FBXL13: variants seen among roughly 807,000 people sequenced by gnomAD.
FBXL13 encodes F-box and leucine-rich repeat protein 13.
A neutral mutation model predicts 83.6 loss-of-function variants in FBXL13; 67 were observed. The observed-to-expected ratio is 0.80, with a 90% CI of 0.66 to 0.98. The LOEUF is 0.98. Among genes scored for constraint, FBXL13 ranks in the 50% least tolerant of loss-of-function variants. The probability of loss-of-function intolerance (pLI) is 0.00; values close to 1 mark genes in which losing one functional copy is unlikely to be tolerated. For synonymous variants in FBXL13, 272 were observed against 299.5 expected (o/e 0.91, Z 0.95); for missense variants, 822 against 866.5 (o/e 0.95, Z 0.64).
chr7:102,906,573 T>C (rs145258631), intron 11 of FBXL13, among the ~76,000 whole-genome samples: 12 of 152,286 alleles, frequency 7.9e-5, no homozygotes, highest in African/African-American at 2.9e-4. Flanking sequence ...TCTAGGAAAG[T>C]ATTTATTTCT....
At chr7:103,044,858 CTAT>C (rs1796110802) in intron 2 of FBXL13, among the ~76,000 whole-genome samples, 1 of 152,180 alleles carries the variant, frequency 6.6e-6, no homozygotes, top group Non-Finnish European at 1.5e-5. Flanking sequence ...TTTCCTTCTA[CTAT>C]TATGAGAGCA....
At chr7:102,894,637 G>A (rs1812027503) in intron 11 of FBXL13, among the ~76,000 whole-genome samples, 1 of 151,732 alleles carries the variant, frequency 6.6e-6, no homozygotes, top group Non-Finnish European at 1.5e-5. Context: ...CTTGAGGCAG[G>A]AGGATCCCTT....
At chr7:103,017,484 T>C (rs1792500642) in intron 6 of FBXL13, among the ~76,000 whole-genome samples, 1 of 152,190 alleles carries the variant, frequency 6.6e-6, no homozygotes, top group Non-Finnish European at 1.5e-5. Context: ...AGAATGACTT[T>C]GACAAGTTGA....
intron 6 of FBXL13, among the ~76,000 whole-genome samples, chr7:102,974,619 A>T (rs1288970378): frequency 6.6e-6 from 1 of 152,060 alleles, no homozygotes; most frequent in Non-Finnish European, 1.5e-5. Context: ...CACTCAGATC[A>T]CAACCCGACC....
chr7:102,903,216 A>G (rs553200468), intron 11 of FBXL13, among the ~76,000 whole-genome samples: 1 of 151,958 alleles, frequency 6.6e-6, no homozygotes, highest in African/African-American at 2.4e-5. Flanking sequence ...TCTTTTTCAT[A>G]TTGTTCACTG....
chr7:103,074,176 T>C, intron 1 of FBXL13: 1 of 946,394 alleles, frequency 1.1e-6, no homozygotes. Flanking sequence ...AGGTCTCAGC[T>C]TCCACTCTTC....
chr7:103,024,476 G>A (rs1793615961), intron 6 of FBXL13, among the ~76,000 whole-genome samples: 1 of 139,990 alleles, frequency 7.1e-6, no homozygotes, highest in Non-Finnish European at 1.5e-5. Flanking sequence ...GCAGTGAGCT[G>A]AGATTGCACC....
At chr7:102,820,962 A>C (rs935038562) in intron 19 of FBXL13, among the ~76,000 whole-genome samples, 1 of 152,250 alleles carries the variant, frequency 6.6e-6, no homozygotes, top group Admixed American at 6.5e-5. Flanking sequence ...CTTGCCAGAA[A>C]GTCTCCATTC....
downstream of FBXL13, among the ~76,000 whole-genome samples, chr7:102,812,865 C>T (rs187959234): frequency 2.9e-4 from 37 of 125,644 alleles, no homozygotes; most frequent in Admixed American, 2.1e-3. Context: ...TTTTTTGAGA[C>T]GGAGTCTTGC....
Position 103,028,758 on chromosome 7 carries a change from G to C in FBXL13, c.69-10C>G. ...TATGTCTCTCCAAGTGCTGCAGGCA[G>C]AAGACATTTTTTAAAAAATAATATT... On this transcript the variant is annotated splice_polypyrimidine_tract_variant and intron_variant, in intron 3 of 19. Coordinates refer to ENST00000313221, the Ensembl canonical transcript of FBXL13. 1.3e-6 allele frequency: 2 copies of C among 1,536,040 alleles called. No individual in the cohort carries two copies. Among genetic ancestry groups the C allele is most frequent in the Non-Finnish European group, 8.7e-7 (1 of 1,147,894 alleles).
At chr7:102,835,856 G>T (rs184294133) in intron 17 of FBXL13, among the ~76,000 whole-genome samples, 2 of 151,890 alleles carry the variant, frequency 1.3e-5, no homozygotes, top group East Asian at 1.9e-4. Context: ...TGATCCGCCC[G>T]CCTCGGCCTC....
At chr7:102,867,696 T>TATATATATATA (rs1491494721) in intron 16 of FBXL13, among the ~76,000 whole-genome samples, 1 of 35,788 alleles carries the variant, frequency 2.8e-5, no homozygotes, top group African/African-American at 1.5e-4. Context: ...TATATATATA[T>TATATATATATA]TTTTTTTTTT....
chr7:102,908,202 C>G (rs1347358771), intron 11 of FBXL13, among the ~76,000 whole-genome samples: 1 of 151,590 alleles, frequency 6.6e-6, no homozygotes, highest in Non-Finnish European at 1.5e-5. Context: ...TTAAAGGACT[C>G]TGATGCATTC....
Position 102,842,639 on chromosome 7 carries a change from A to G in FBXL13, c.1720-9665T>C, listed in dbSNP as rs538535862. Among the ~76,000 whole-genome samples the G allele has an allele frequency of 4.2e-4, 64 of 152,106 alleles. 1 individual carries two copies. Among genetic ancestry groups the G allele is most frequent in the Non-Finnish European group, 6.9e-4 (47 of 68,018 alleles). On this transcript the variant is annotated intron_variant, in intron 17 of 19. Coordinates refer to ENST00000313221, the Ensembl canonical transcript of FBXL13. ...AGCACATGAACTCAACCCTTCTTAC[A>G]CTCCAGAGAGGAATGTGTAGAACAG...
At chr7:102,887,657 T>C (rs563474267) in intron 11 of FBXL13, among the ~76,000 whole-genome samples, 77 of 152,334 alleles carry the variant, frequency 5.1e-4, no homozygotes, top group African/African-American at 1.8e-3. Flanking sequence ...TCTTTATTCT[T>C]AACATCTTCA....
At chr7:102,844,515 G>A (rs183633270) in intron 17 of FBXL13, among the ~76,000 whole-genome samples, 6 of 152,138 alleles carry the variant, frequency 3.9e-5, no homozygotes, top group African/African-American at 9.7e-5. Context: ...AAAGACTGTC[G>A]TAAGAGTGGA....
intron 9 of FBXL13, among the ~76,000 whole-genome samples, chr7:102,929,614 C>T (rs980092523): frequency 1.5e-5 from 2 of 136,666 alleles, no homozygotes; most frequent in East Asian, 4.2e-4. Flanking sequence ...TAGTGAGCCA[C>T]GATGGCACCA....
chr7:103,069,894 C>T (rs560946941), intron 1 of FBXL13, among the ~76,000 whole-genome samples: 3 of 152,102 alleles, frequency 2.0e-5, no homozygotes, highest in Admixed American at 6.5e-5. Flanking sequence ...CTGGCTAACA[C>T]GGTGAAACCC....
chr7:102,815,205 G>A (rs760333388), intron 19 of FBXL13, among the ~76,000 whole-genome samples: 1 of 152,064 alleles, frequency 6.6e-6, no homozygotes, highest in Non-Finnish European at 1.5e-5. Context: ...CTCAAACCCA[G>A]TCTTCTCCTC....
Sources: allele counts gnomAD v4.1 joint callset (sites outside exome capture counted in the v4.1 genomes callset), GRCh38; gene constraint gnomAD v4.1.1; transcripts MANE v1.5; gene names NCBI Gene and HGNC (gene_info 2026-07-23, HGNC 2026-07-21).